The following TNS1 variants were observed in gnomAD, a reference collection of about 807,000 sequenced individuals.
TNS1 encodes the protein tensin-1.
Under a neutral mutation model 168.6 loss-of-function variants are expected in TNS1, and 62 were observed. The observed-to-expected ratio is 0.37, with a 90% confidence interval of 0.30 to 0.45. The LOEUF (loss-of-function observed/expected upper bound fraction) is 0.45, where lower values mean the gene tolerates loss of function less well. TNS1 is among the 20% of genes least tolerant of loss of function. The pLI is 1.00. For missense variants in TNS1, 2,240 were observed against 2,339.4 expected (o/e 0.96, Z 0.88); for synonymous variants, 934 against 933.2 (o/e 1.00, Z -0.02).
intron 18 of TNS1, among the ~76,000 whole-genome samples, chr2:217,855,578 C>A (rs974054078): frequency 6.6e-6 from 1 of 152,018 alleles, no homozygotes; most frequent in Non-Finnish European, 1.5e-5. Flanking sequence ...CTCTCTCTCT[C>A]TCCCTCTCCC....
In TNS1 at chr2:217,896,558, A is replaced by G. The variant is rs570979815; in HGVS notation, c.543+1240T>C. ...AAAAGGCAAGAAGGGATTCTCTGCC[A>G]TAGGATTCAGAGGGAGCATGGCCCC... is the stretch of plus-strand genomic sequence containing the variant. On this transcript the variant is annotated intron_variant, in intron 8 of 32. Coordinates refer to ENST00000682258, the MANE Select transcript of TNS1 (RefSeq NM_001387777.1). Among the ~76,000 whole-genome samples, 22 of 152,332 alleles carry G rather than the reference A, an allele frequency of 1.4e-4. No homozygotes were observed. In the South Asian group the frequency reaches 4.3e-3, roughly 30 times the overall value.
intron 1 of TNS1, among the ~76,000 whole-genome samples, chr2:217,999,110 T>G (rs1295816916): frequency 6.6e-6 from 1 of 152,196 alleles, no homozygotes; most frequent in Non-Finnish European, 1.5e-5. Context: ...ACAGTCCTCT[T>G]CGCTGACTTA....
At chr2:218,009,965 G>C (rs1958691003) in intron 1 of TNS1, 1 of 392,926 alleles carries the variant, frequency 2.5e-6, no homozygotes, top group Non-Finnish European at 4.5e-6. Context: ...GCTGACGATG[G>C]CCGAGACGGA....
At chr2:217,903,218 C>G (rs1245333298) in intron 6 of TNS1, among the ~76,000 whole-genome samples, 12 of 152,060 alleles carry the variant, frequency 7.9e-5, no homozygotes, top group Admixed American at 6.5e-4. Flanking sequence ...TTCTAGACAC[C>G]AGGGGACAAA....
rs1057290925 is a variant in TNS1, at chr2:217,892,944, T to C, written c.782+4A>G. On this transcript the variant is annotated splice_donor_region_variant and intron_variant, in intron 11 of 32. Transcript: ENST00000682258. Reference sequence around the variant, plus strand: ...GAGGATGGGAGGCTCCAGGCCCCTCTTACCTGGCAGAAATGTTGCTGTAGT... The same window carrying C: ...GAGGATGGGAGGCTCCAGGCCCCTCCTACCTGGCAGAAATGTTGCTGTAGT... 6.2e-7 allele frequency: 1 copy of C among 1,614,104 alleles called. No individual in the cohort carries two copies.
At chr2:217,829,420 T>C (rs1265241921) in intron 22 of TNS1, among the ~76,000 whole-genome samples, 2 of 152,040 alleles carry the variant, frequency 1.3e-5, no homozygotes, top group Non-Finnish European at 2.9e-5. Flanking sequence ...AAAACGTCAG[T>C]GGTGCCAACG....
intron 3 of TNS1, chr2:217,936,929 T>A (rs566409971): frequency 2.2e-6 from 1 of 456,786 alleles, no homozygotes; most frequent in South Asian, 1.5e-5. Flanking sequence ...CTCAGACCCA[T>A]GTAGCAGAGC....
intron 23 of TNS1, among the ~76,000 whole-genome samples, chr2:217,820,137 G>A (rs759652908): frequency 1.3e-5 from 2 of 152,192 alleles, no homozygotes; most frequent in African/African-American, 2.4e-5. Context: ...GAGCCAGGCT[G>A]AGCAGGGTGA....
At chr2:217,855,575 TCTCTCC>T (rs1450154896) in intron 18 of TNS1, among the ~76,000 whole-genome samples, 1 of 129,864 alleles carries the variant, frequency 7.7e-6, no homozygotes, top group African/African-American at 3.0e-5. Context: ...TCTCTCTCTC[TCTCTCC>T]CTCTCCCTAG....
intron 3 of TNS1, among the ~76,000 whole-genome samples, chr2:217,968,813 G>A (rs898476035): frequency 2.6e-5 from 4 of 152,130 alleles, no homozygotes; most frequent in African/African-American, 9.7e-5. Context: ...TCCTACGTCA[G>A]CCTCCCGAGT....
intron 2 of TNS1, 115 bp from the exon 3 acceptor site, chr2:217,978,917 AGGAGGGAC>A: frequency 3.0e-6 from 2 of 674,810 alleles, no homozygotes; most frequent in African/African-American, 1.8e-5. Flanking sequence ...GAAGGAGGGA[AGGAGGGAC>A]GGAGGGAAGG....
At chr2:218,031,772 G>T (rs891704130) in intron 1 of TNS1, among the ~76,000 whole-genome samples, 1 of 152,166 alleles carries the variant, frequency 6.6e-6, no homozygotes, top group Admixed American at 6.5e-5. Flanking sequence ...CTTCCAAAAG[G>T]GTTGCAGGCC....
intron 6 of TNS1, among the ~76,000 whole-genome samples, chr2:217,906,038 T>C (rs1175198194): frequency 6.6e-6 from 1 of 152,170 alleles, no homozygotes; most frequent in Non-Finnish European, 1.5e-5. Flanking sequence ...GTTTTGCGCA[T>C]TTCCCCTTGA....
At chr2:218,006,797 A>G (rs1165423096), upstream of TNS1, among the ~76,000 whole-genome samples, 1 of 152,160 alleles carries the variant, frequency 6.6e-6, no homozygotes, top group Non-Finnish European at 1.5e-5. Flanking sequence ...CAAAATTGAA[A>G]AAATACAAAT....
At chr2:217,940,379 C>T (rs1262158879) in intron 3 of TNS1, among the ~76,000 whole-genome samples, 1 of 152,196 alleles carries the variant, frequency 6.6e-6, no homozygotes, top group African/African-American at 2.4e-5. Flanking sequence ...GTCAAAGAGG[C>T]TTTTGGCTCC....
At chr2:217,820,735 A>G (rs374591292) in intron 23 of TNS1, among the ~76,000 whole-genome samples, 4 of 152,182 alleles carry the variant, frequency 2.6e-5, no homozygotes, top group African/African-American at 9.6e-5. Context: ...CTATGCCGTC[A>G]TCCCATCTCT....
chr2:217,837,565 G>A (rs909092540), intron 19 of TNS1, among the ~76,000 whole-genome samples: 1 of 152,246 alleles, frequency 6.6e-6, no homozygotes, highest in Non-Finnish European at 1.5e-5. Flanking sequence ...GAGAGCAGCA[G>A]GACTGGCATT....
chr2:217,830,248 G>C (rs549059516), intron 22 of TNS1: 2 of 1,325,762 alleles, frequency 1.5e-6, no homozygotes, highest in Non-Finnish European at 2.1e-6. Flanking sequence ...GCAGCCCCCA[G>C]CCCCCTTCTA....
At position 217,900,457 on chromosome 2, in the gene TNS1, G is replaced by A. The variant is rs1293540488; in HGVS notation, c.371+6C>T. The A allele has an allele frequency of 2.0e-6, 3 of 1,535,106 alleles. No homozygotes were observed. The highest frequency in any genetic ancestry group is 4.9e-5 in the East Asian group (2 of 40,900). ...CCCGCCCCCTGCCCCCACGGGCCAG[G>A]CATACCTGATGGGCTGGAGGTGGGG... On this transcript the variant is annotated splice_donor_region_variant and intron_variant, in intron 7 of 32. Coordinates refer to ENST00000682258, the MANE Select transcript of TNS1 (RefSeq NM_001387777.1).
Sources: allele counts gnomAD v4.1 joint callset (sites outside exome capture counted in the v4.1 genomes callset), GRCh38; gene constraint gnomAD v4.1.1; transcripts MANE v1.5; gene names NCBI Gene and HGNC (gene_info 2026-07-23, HGNC 2026-07-21).